The following GPR39 variants were observed in gnomAD, a reference collection of about 807,000 sequenced individuals.
GPR39 encodes G protein-coupled receptor 39, also known as zinc sensing receptor.
GPR39 carries 23 observed loss-of-function variants against 18.4 expected under a neutral mutation model. That is an observed-to-expected ratio of 1.25 (90% CI 0.90 to 1.77). The LOEUF (loss-of-function observed/expected upper bound fraction) is 1.77, where lower values mean the gene tolerates loss of function less well. Ranked by LOEUF, GPR39 falls within the 40% of genes most tolerant of loss-of-function variation. GPR39 has a pLI of 0.00. For synonymous variants in GPR39, 280 were observed against 257.9 expected (o/e 1.09, Z -0.82); for missense variants, 647 against 602.4 (o/e 1.07, Z -0.78).
At chr2:132,619,122 C>T (rs1304175498) in intron 1 of GPR39, among the ~76,000 whole-genome samples, 2 of 152,164 alleles carry the variant, frequency 1.3e-5, no homozygotes, top group African/African-American at 4.8e-5. Flanking sequence ...GGGTCTGCAG[C>T]CCAGTGCACT....
chr2:132,485,868 A>G (rs1203483189), intron 1 of GPR39, among the ~76,000 whole-genome samples: 1 of 152,196 alleles, frequency 6.6e-6, no homozygotes, highest in African/African-American at 2.4e-5. Context: ...CATGAATCAT[A>G]AATATTTTTA....
At position 132,630,022 on chromosome 2, in the gene GPR39, G is replaced by T. The variant is rs1242989869; in HGVS notation, c.857-15079G>T. Among the ~76,000 whole-genome samples, 5 of 152,140 alleles carry T rather than the reference G, an allele frequency of 3.3e-5. 1 individual carries two copies. ...GGGATAACAGCTCTGTCACTGCATG[G>T]TTGGGAGAATCAAATTGGCAGGTCT... On this transcript the variant is annotated intron_variant, in intron 1 of 1. Transcript: ENST00000329321.
intron 1 of GPR39, among the ~76,000 whole-genome samples, chr2:132,471,603 T>C (rs554025021): frequency 6.6e-6 from 1 of 152,216 alleles, no homozygotes; most frequent in East Asian, 1.9e-4. Flanking sequence ...CAGCCACTGG[T>C]TTATCACCTA....
chr2:132,531,884 A>T, intron 1 of GPR39, among the ~76,000 whole-genome samples: 1 of 152,232 alleles, frequency 6.6e-6, no homozygotes, highest in Non-Finnish European at 1.5e-5. Context: ...CTAAATGCCC[A>T]CAAGAGAAAG....
Position 132,645,771 on chromosome 2 carries a change from C to A in GPR39, c.*165C>A, listed in dbSNP as rs1377572153. ...CAGTGACTTCTAAGGACTGACTCTG[C>A]CAGCCTGGCCTTGACTCCGGTTACA... On this transcript the variant is annotated 3_prime_UTR_variant, in exon 2 of 2. Transcript: ENST00000329321. 3 of 999,098 alleles carry A rather than the reference C, an allele frequency of 3.0e-6. No homozygotes were observed. Among genetic ancestry groups the A allele is most frequent in the African/African-American group, 3.2e-5 (2 of 61,550 alleles). The allele number at this position is 999,098 out of a possible 1,614,324, so 61.9% of individuals were successfully genotyped here.
chr2:132,434,158 A>G (rs1403370300), intron 1 of GPR39, among the ~76,000 whole-genome samples: 2 of 152,234 alleles, frequency 1.3e-5, no homozygotes, highest in Middle Eastern at 3.4e-3. Context: ...CTGAAAAAAA[A>G]TGCCATGAAG....
chr2:132,511,173 C>T (rs956460955), intron 1 of GPR39, among the ~76,000 whole-genome samples: 1 of 152,192 alleles, frequency 6.6e-6, no homozygotes, highest in Non-Finnish European at 1.5e-5. Flanking sequence ...GTTTCTGATG[C>T]ACCATCATTT....
intron 1 of GPR39, among the ~76,000 whole-genome samples, chr2:132,603,574 A>G (rs150808431): frequency 2.0e-3 from 297 of 152,298 alleles, no homozygotes; most frequent in African/African-American, 7.0e-3. Flanking sequence ...TAAGCATGCT[A>G]ATTTCCCTGA....
chr2:132,496,915 T>C lies in GPR39; in HGVS notation c.856+79017T>C, dbSNP rs985362484. Among the ~76,000 whole-genome samples the C allele has an allele frequency of 7.9e-5, 12 of 152,238 alleles. No homozygotes were observed. The South Asian group carries it at 8.3e-4, about 10-fold the overall frequency. On this transcript the variant is annotated intron_variant, in intron 1 of 1. Coordinates refer to ENST00000329321, the MANE Select transcript of GPR39 (RefSeq NM_001508.3). The stretch of plus-strand genomic sequence containing the variant: ...GGCTGTGGAACAGCACAAAGCAATG[T>C]CAAAGGCAGAGGGAAAGATGCTGAT...
intron 1 of GPR39, among the ~76,000 whole-genome samples, chr2:132,454,475 C>A (rs1192798267): frequency 6.6e-6 from 1 of 152,110 alleles, no homozygotes; most frequent in Admixed American, 6.6e-5. Flanking sequence ...CCCTTTATTT[C>A]TTTCTCTTGC....
intron 1 of GPR39, among the ~76,000 whole-genome samples, chr2:132,470,142 T>C (rs1681003889): frequency 6.6e-6 from 1 of 152,038 alleles, no homozygotes; most frequent in South Asian, 2.1e-4. Flanking sequence ...GTCTAAGAAG[T>C]GTTTGTCCCT....
In GPR39 at chr2:132,419,697, C is replaced by T. The variant is rs544344359; in HGVS notation, c.856+1799C>T. Among the ~76,000 whole-genome samples the T allele has an allele frequency of 5.7e-4, 87 of 152,282 alleles. 3 individuals are homozygous for T. The highest frequency in any genetic ancestry group is 2.1e-3 in the African/African-American group (86 of 41,550). On this transcript the variant is annotated intron_variant, in intron 1 of 1. Coordinates refer to ENST00000329321, the MANE Select transcript of GPR39 (RefSeq NM_001508.3). ...AATATTCCCTTAGGCATATCTTAAA[C>T]TGTAAGGTGTAATTTATACTTTAGT... is the stretch of plus-strand genomic sequence containing the variant.
At chr2:132,636,356 T>C (rs1447454552) in intron 1 of GPR39, among the ~76,000 whole-genome samples, 2 of 152,100 alleles carry the variant, frequency 1.3e-5, no homozygotes, top group African/African-American at 4.8e-5. Flanking sequence ...TCTGCCTCAG[T>C]CACAGGCTTT....
chr2:132,566,486 A>G (rs1680351859), intron 1 of GPR39, among the ~76,000 whole-genome samples: 1 of 152,204 alleles, frequency 6.6e-6, no homozygotes, highest in South Asian at 2.1e-4. Context: ...AGGCCACAGA[A>G]AAATCTCAAA....
chr2:132,441,162 G>C (rs576784708), intron 1 of GPR39, among the ~76,000 whole-genome samples: 1 of 152,080 alleles, frequency 6.6e-6, no homozygotes, highest in African/African-American at 2.4e-5. Context: ...CCTCTGTTCT[G>C]GGCCCAAAGT....
chr2:132,471,194 A>G (rs563108364), intron 1 of GPR39, among the ~76,000 whole-genome samples: 4 of 152,270 alleles, frequency 2.6e-5, no homozygotes, highest in South Asian at 2.1e-4. Flanking sequence ...ACAAGAAAAT[A>G]TAGCCAGTTT....
chr2:132,454,517 T>C (rs751283963), intron 1 of GPR39, among the ~76,000 whole-genome samples: 3 of 152,184 alleles, frequency 2.0e-5, no homozygotes, highest in Non-Finnish European at 4.4e-5. Flanking sequence ...TCCAACACTA[T>C]GTTGAATAGG....
chr2:132,637,563 C>T (rs1681786592), intron 1 of GPR39, among the ~76,000 whole-genome samples: 1 of 152,260 alleles, frequency 6.6e-6, no homozygotes, highest in Non-Finnish European at 1.5e-5. Flanking sequence ...AACAGTTCTT[C>T]TGTCTTCTAA....
At chr2:132,552,754 G>A (rs10928427) in intron 1 of GPR39, among the ~76,000 whole-genome samples, 80,329 of 150,102 alleles carry the variant, frequency 0.54, 22,447 homozygotes, top group East Asian at 0.9. Context: ...TGTGCCTAGA[G>A]TTCTGTTAAG....
Sources: gnomAD v4.1 joint callset for allele counts (sites outside exome capture counted in the v4.1 genomes callset) on GRCh38, gnomAD v4.1.1 for gene constraint, MANE v1.5 for transcripts, NCBI Gene and HGNC (gene_info 2026-07-23, HGNC 2026-07-21) for gene names.